The following RNF135 variants were observed in gnomAD, a reference collection of about 807,000 sequenced individuals.
RNF135 encodes the protein E3 ubiquitin-protein ligase RNF135.
In RNF135, 46 loss-of-function variants were observed where a neutral mutation model predicts 41.9. The observed-to-expected ratio is 1.10, with a 90% CI of 0.87 to 1.40. RNF135 has a LOEUF of 1.40. RNF135 is among the 40% of genes most tolerant of loss of function. The pLI is 0.00. For missense variants in RNF135, 539 were observed against 549.8 expected, an observed-to-expected ratio of 0.98 and a Z score of 0.20; for synonymous variants, 238 against 223.8, an observed-to-expected ratio of 1.06 and a Z score of -0.57.
chr17:30,984,696 G>A lies in RNF135; in HGVS notation c.452G>A (p.Ser151Asn). 2 of 1,614,172 alleles carry A rather than the reference G, an allele frequency of 1.2e-6. No individual in the cohort carries two copies. The highest frequency in any genetic ancestry group is 1.7e-6 in the Non-Finnish European group (2 of 1,180,034). Residue 151 changes from serine (S) to asparagine (N), a missense_variant, in exon 2 of 5, where the codon AGC (serine) becomes AAC (asparagine). Ser to Asn is a conservative substitution (Grantham distance 46). Coordinates refer to ENST00000328381, the MANE Select transcript of RNF135 (RefSeq NM_032322.4). The stretch of plus-strand genomic sequence containing the variant: ...GAACATCTTGTAGACATTGTCAGAA[G>A]CCTGCAGAATCAGAGGCCCCTATCA... Reference protein sequence around the residue: ...LVEHLVDIVRSLQNQRPLSES... With the variant: ...LVEHLVDIVRNLQNQRPLSES...
In RNF135 at chr17:30,971,336, C is replaced by T; in HGVS notation, c.263C>T (p.Ala88Val). 3 of 1,533,856 alleles carry T rather than the reference C, an allele frequency of 2.0e-6. No individual in the cohort carries two copies. The highest frequency in any genetic ancestry group is 4.0e-5 in the Admixed American group (2 of 50,458). Reference sequence around the variant, plus strand: ...GACCTGGCCGACAAGTACCGCCGCGCCGCACGCGAGATACAGGCGGGCTCC... The same window carrying T: ...GACCTGGCCGACAAGTACCGCCGCGTCGCACGCGAGATACAGGCGGGCTCC... ...LQDLADKYRR[A>V]AREIQAGSDP... Residue 88 changes from alanine (A) to valine (V), a missense_variant, in exon 1 of 5, where the codon GCC becomes GTC. Ala to Val is a moderately conservative substitution (Grantham distance 64). Transcript: ENST00000328381.
chr17:30,964,205 TG>T, the RNF135 span, among the ~76,000 whole-genome samples: 1 of 151,464 alleles, frequency 6.6e-6, no homozygotes, highest in African/African-American at 2.4e-5. Context: ...CTGGCCAACA[TG>T]GTGAAACCCC....
upstream of RNF135, chr17:30,969,180 G>A (rs1287977840): frequency 6.6e-6 from 1 of 152,236 alleles, no homozygotes; most frequent in Non-Finnish European, 1.5e-5. Context: ...TGAGATTACA[G>A]GCATAAGCCA....
chr17:30,979,848 A>T (rs1387450933), intron 1 of RNF135, among the ~76,000 whole-genome samples: 1 of 105,858 alleles, frequency 9.4e-6, no homozygotes. Flanking sequence ...GCGGCTGGCC[A>T]GGCGGGGGGG....
chr17:30,986,750 G>C (rs1040668878), intron 2 of RNF135, among the ~76,000 whole-genome samples: 1 of 152,178 alleles, frequency 6.6e-6, no homozygotes, highest in Non-Finnish European at 1.5e-5. Context: ...TAGAAATAAT[G>C]ATACAGGGCC....
chr17:30,983,138 C>T (rs1907275045), intron 1 of RNF135, among the ~76,000 whole-genome samples: 1 of 151,352 alleles, frequency 6.6e-6, no homozygotes, highest in South Asian at 2.1e-4. Context: ...TATGTATATG[C>T]CACTTTTTGC....
At chr17:30,983,989 G>C (rs2048093790) in intron 1 of RNF135, among the ~76,000 whole-genome samples, 5 of 152,096 alleles carry the variant, frequency 3.3e-5, no homozygotes, top group Admixed American at 2.6e-4. Context: ...AACCAAACAA[G>C]CGGCAGTGAT....
chr17:30,976,649 A>G (rs1906483770), intron 1 of RNF135, among the ~76,000 whole-genome samples: 1 of 152,210 alleles, frequency 6.6e-6, no homozygotes, highest in African/African-American at 2.4e-5. Flanking sequence ...TGGTGCATAT[A>G]TATTTACAGT....
chr17:30,987,143 C>T (rs763603253), intron 2 of RNF135, among the ~76,000 whole-genome samples: 7 of 151,866 alleles, frequency 4.6e-5, no homozygotes, highest in Non-Finnish European at 1.0e-4. Flanking sequence ...GTGTTGAAGG[C>T]CCTAGAAAGC....
At chr17:30,959,373 T>G in the RNF135 span, 1 of 152,200 alleles carries the variant, frequency 6.6e-6, no homozygotes, top group South Asian at 2.1e-4. Flanking sequence ...GCTTCTATAC[T>G]CTTATATTAA....
chr17:30,986,870 T>C (rs938044486), intron 2 of RNF135, among the ~76,000 whole-genome samples: 1 of 152,248 alleles, frequency 6.6e-6, no homozygotes, highest in African/African-American at 2.4e-5. Context: ...TTAACCTTCA[T>C]GAATTTCATC....
chr17:30,975,165 A>AT (rs1271152145), intron 1 of RNF135, among the ~76,000 whole-genome samples: 2 of 151,842 alleles, frequency 1.3e-5, no homozygotes, highest in African/African-American at 4.8e-5. Context: ...TGAAAAAAAA[A>AT]AGAAAAAAGA....
chr17:30,970,716 T>G, upstream of RNF135: 3 of 307,726 alleles, frequency 9.7e-6, no homozygotes, highest in Non-Finnish European at 1.2e-5. Context: ...TTTTTGTTGT[T>G]TATTTTTTTT....
At chr17:30,962,869 C>G in the RNF135 span, among the ~76,000 whole-genome samples, 1 of 152,164 alleles carries the variant, frequency 6.6e-6, no homozygotes, top group South Asian at 2.1e-4. Flanking sequence ...GGTGGCTGTA[C>G]TACTTGACAT....
At chr17:30,991,956 C>G (rs1448667766) in intron 3 of RNF135, among the ~76,000 whole-genome samples, 1 of 143,278 alleles carries the variant, frequency 7.0e-6, no homozygotes, top group Non-Finnish European at 1.5e-5. Flanking sequence ...TTTTGAGAAG[C>G]AGTTTCGTTC....
intron 1 of RNF135, among the ~76,000 whole-genome samples, chr17:30,973,743 G>C (rs1471826324): frequency 1.3e-5 from 2 of 152,138 alleles, no homozygotes; most frequent in African/African-American, 4.8e-5. Flanking sequence ...TGGGATTACA[G>C]GCATGAGCCA....
At chr17:30,979,684 G>A (rs1266666386) in intron 1 of RNF135, among the ~76,000 whole-genome samples, 62 of 136,848 alleles carry the variant, frequency 4.5e-4, no homozygotes, top group Non-Finnish European at 8.6e-4. Flanking sequence ...CCTCCCTCCC[G>A]GACGGGGCGG....
chr17:30,998,773 G>C lies in RNF135; in HGVS notation c.881G>C (p.Cys294Ser). The C allele has an allele frequency of 5.0e-6, 8 of 1,613,310 alleles. No individual in the cohort carries two copies. The highest frequency in any genetic ancestry group is 6.8e-6 in the Non-Finnish European group (8 of 1,179,748). Residue 294 changes from cysteine to serine, a missense_variant, in exon 5 of 5, where the codon TGT becomes TCT. Transcript: ENST00000328381. Reference protein sequence around the residue: ...SHRPQPYRWSCERFSTSQVLC... With the variant: ...SHRPQPYRWSSERFSTSQVLC... The stretch of plus-strand genomic sequence containing the variant: ...CGCCCACAACCCTATCGCTGGAGCT[G>C]TGAGAGGTTTTCTACCAGCCAGGTC...
At chr17:30,965,797 G>C in the RNF135 span, among the ~76,000 whole-genome samples, 1 of 152,212 alleles carries the variant, frequency 6.6e-6, no homozygotes, top group African/African-American at 2.4e-5. Flanking sequence ...CTGCTGATTG[G>C]TTGGGGATGC....
Sources: gnomAD v4.1 joint callset for allele counts (sites outside exome capture counted in the v4.1 genomes callset) on GRCh38, gnomAD v4.1.1 for gene constraint, MANE v1.5 for transcripts, NCBI Gene and HGNC (gene_info 2026-07-23, HGNC 2026-07-21) for gene names.